ONECUT1: variants seen among roughly 807,000 people sequenced by gnomAD.
ONECUT1 encodes hepatocyte nuclear factor 6.
A neutral mutation model predicts 25.6 loss-of-function variants in ONECUT1; 12 were observed. The ratio of observed to expected loss-of-function variants is 0.47; its 90% CI spans 0.30 to 0.76. The LOEUF is 0.76. Among genes scored for constraint, ONECUT1 ranks in the 30% least tolerant of loss-of-function variants. The probability of loss-of-function intolerance (pLI) is 0.07; values close to 1 mark genes in which losing one functional copy is unlikely to be tolerated. For missense variants in ONECUT1, 620 were observed against 651.2 expected (o/e 0.95, Z 0.52); for synonymous variants, 285 against 270.2 (o/e 1.05, Z -0.54).
rs758437213 is a variant in ONECUT1 at position 52,789,595 on chromosome 15, A to T, written c.290T>A (p.Met97Lys). The change falls in exon 1 of 2, where the codon ATG (methionine) becomes AAG (lysine). Residue 97 changes from methionine to lysine, a missense_variant. Coordinates refer to ENST00000305901, the MANE Select transcript of ONECUT1 (RefSeq NM_004498.4). This position sits in a 1 kb window ranked among gnomAD's most constrained non-coding sequence, Gnocchi z 4.1. The stretch of plus-strand genomic sequence containing the variant: ...GGTGGTGTAGGTGGTGGGCATGCTC[A>T]TACCTGGGGGAGTCTCGCAGGCCAT... ...MTMACETPPGMSMPTTYTTLT... is the reference protein window; with the variant it reads ...MTMACETPPGKSMPTTYTTLT... 6.4e-7 allele frequency: 1 copy of T among 1,572,818 alleles called. No individual in the cohort carries two copies. Among genetic ancestry groups the T allele is most frequent in the East Asian group, 2.3e-5 (1 of 44,230 alleles).
chr15:52,762,244 CCT>C (rs1339840646), intron 1 of ONECUT1, among the ~76,000 whole-genome samples: 1 of 152,132 alleles, frequency 6.6e-6, no homozygotes, highest in Non-Finnish European at 1.5e-5. Flanking sequence ...TGAAGCTACC[CCT>C]GAGCCAGCAT....
At position 52,784,053 on chromosome 15, in the gene ONECUT1, G is replaced by A. The variant is rs566384272; in HGVS notation, c.1105+4727C>T. 3.9e-5 allele frequency among the ~76,000 whole-genome samples: 6 copies of A among 152,326 alleles called. No homozygotes were observed. The highest frequency in any genetic ancestry group is 2.1e-4 in the South Asian group (1 of 4,828). On this transcript the variant is annotated intron_variant, in intron 1 of 1. Coordinates refer to ENST00000305901, the MANE Select transcript of ONECUT1 (RefSeq NM_004498.4). The surrounding 1 kb of genome is among the most constrained non-coding windows in gnomAD (Gnocchi z 5.0). ...TCTTCGCTGCCGCGGGCTGAACCAC[G>A]GACGCTCGCGGGTCGCCCAGCCCCG...
chr15:52,756,647 G>A lies in ONECUT1; in HGVS notation c.*908C>T, dbSNP rs2083675291. On this transcript the variant is annotated 3_prime_UTR_variant, in exon 2 of 2. Coordinates refer to ENST00000305901, the MANE Select transcript of ONECUT1 (RefSeq NM_004498.4). ...CGACCTCTCTGCCATGATATTAATT[G>A]CTTCCCTGAAGCTACATTCTTTCTT... Among the ~76,000 whole-genome samples, 1 of 152,134 alleles carries A rather than the reference G, an allele frequency of 6.6e-6. No individual in the cohort carries two copies. Among genetic ancestry groups the A allele is most frequent in the Admixed American group, 6.5e-5 (1 of 15,272 alleles).
intron 1 of ONECUT1, among the ~76,000 whole-genome samples, chr15:52,769,882 T>C (rs760146252): frequency 6.6e-6 from 1 of 152,148 alleles, no homozygotes; most frequent in African/African-American, 2.4e-5. Flanking sequence ...TTATGGATAA[T>C]GTCAGCAAAT....
chr15:52,772,765 T>C (rs1016576383), intron 1 of ONECUT1, among the ~76,000 whole-genome samples: 4 of 152,208 alleles, frequency 2.6e-5, no homozygotes, highest in African/African-American at 9.6e-5. Flanking sequence ...GTTTTTGTTT[T>C]AATTTCTGCA....
rs758392463 is a variant in ONECUT1, at chr15:52,790,131, CT to C, written c.-248del. ...CCCACCTTCCCCTCTGCGTCCTCGGCTTTTTTTTTTTTAATATTAATTTCCA... is the reference window on the plus strand; with the variant it reads ...CCCACCTTCCCCTCTGCGTCCTCGGCTTTTTTTTTTTAATATTAATTTCCA... On this transcript the variant is annotated 5_prime_UTR_variant, in exon 1 of 2. Coordinates refer to ENST00000305901, the MANE Select transcript of ONECUT1 (RefSeq NM_004498.4). 34,285 of 350,104 alleles carry C rather than the reference CT, an allele frequency of 0.098. 6 individuals carry two copies. Among genetic ancestry groups the C allele is most frequent in the Middle Eastern group, 0.14 (167 of 1,156 alleles). The allele number at this position is 350,104 out of a possible 1,614,324, so 21.7% of individuals were successfully genotyped here. A position where few individuals can be genotyped will look rare whatever the true frequency, so the allele number is the denominator to read the frequency against.
rs1309988888 is a variant in ONECUT1, at chr15:52,757,021, T to C, written c.*534A>G. 6.6e-6 allele frequency: 1 copy of C among 152,596 alleles called. No homozygotes were observed. Among genetic ancestry groups the C allele is most frequent in the Non-Finnish European group, 1.5e-5 (1 of 68,378 alleles). The allele number at this position is 152,596 out of a possible 1,614,324, so 9.5% of individuals were successfully genotyped here. On this transcript the variant is annotated 3_prime_UTR_variant, in exon 2 of 2. Transcript: ENST00000305901. ...GCATTTAGGTTGCGGGCCTGGCAGG[T>C]TCAAACGTTAGGCTAGACGAGCAAA...
chr15:52,784,321 G>A lies in ONECUT1; in HGVS notation c.1105+4459C>T, dbSNP rs1243962892. ...GGTCTCTAGCAACCGCTGTGCCCTG[G>A]GTCAGGCTGGTCGCCCCAGCTACCG... On this transcript the variant is annotated intron_variant, in intron 1 of 1. Transcript: ENST00000305901. The surrounding 1 kb of genome is among the most constrained non-coding windows in gnomAD (Gnocchi z 5.0). Among the ~76,000 whole-genome samples the A allele has an allele frequency of 1.3e-5, 2 of 152,200 alleles. No individual in the cohort carries two copies. The highest frequency in any genetic ancestry group is 2.9e-5 in the Non-Finnish European group (2 of 68,034).
chr15:52,789,435 C>G lies in ONECUT1; in HGVS notation c.450G>C (p.Thr150=). Reference sequence around the variant, plus strand: ...CCAGCCCGCGCTCATCCCGCATGAGCGTGAAGCTACCGCTCACGTTGCCCG... The same window carrying G: ...CCAGCCCGCGCTCATCCCGCATGAGGGTGAAGCTACCGCTCACGTTGCCCG... ...RLAGNVSGSF[T]LMRDERGLAS... The change falls in exon 1 of 2, where the codon ACG becomes ACC. Residue 150 remains threonine (T), a synonymous_variant. Transcript: ENST00000305901. This position sits in a 1 kb window ranked among gnomAD's most constrained non-coding sequence, Gnocchi z 4.1. 2 of 1,613,834 alleles carry G rather than the reference C, an allele frequency of 1.2e-6. No individual in the cohort carries two copies. The highest frequency in any genetic ancestry group is 1.7e-6 in the Non-Finnish European group (2 of 1,179,984).
chr15:52,771,122 C>T (rs899643234), intron 1 of ONECUT1, among the ~76,000 whole-genome samples: 2 of 152,064 alleles, frequency 1.3e-5, no homozygotes, highest in Admixed American at 6.5e-5. Flanking sequence ...TATAAGTACA[C>T]ATATTCATCA....
chr15:52,789,846 C>T lies in ONECUT1; in HGVS notation c.39G>A (p.Leu13=), dbSNP rs767630142. The T allele has an allele frequency of 7.1e-6, 11 of 1,541,590 alleles. No homozygotes were observed. Among genetic ancestry groups the T allele is most frequent in the African/African-American group, 7.1e-5 (5 of 70,312 alleles). Residue 13 remains leucine, a synonymous_variant, in exon 1 of 2, where the codon CTG becomes CTA. Coordinates refer to ENST00000305901, the MANE Select transcript of ONECUT1 (RefSeq NM_004498.4). The surrounding 1 kb of genome is among the most constrained non-coding windows in gnomAD (Gnocchi z 4.1). ...GCACCGGCTCATGGCTCACCCCGTG[C>T]AGCTCGCCGATCGCTTCCATGGTCA... The part of the protein sequence containing the change: ...AQLTMEAIGE[L]HGVSHEPVPA...
At position 52,757,177 on chromosome 15, in the gene ONECUT1, T is replaced by C. The variant is rs150995910; in HGVS notation, c.*378A>G. 0.011 allele frequency: 2,300 copies of C among 209,450 alleles called. 24 individuals are homozygous for C. The highest frequency in any genetic ancestry group is 0.016 in the Non-Finnish European group (1,639 of 103,640). 13.0% of individuals were successfully genotyped at this position (209,450 alleles called of 1,614,324 possible). A position where few individuals can be genotyped will look rare whatever the true frequency, so the allele number is the denominator to read the frequency against. On this transcript the variant is annotated 3_prime_UTR_variant, in exon 2 of 2. Coordinates refer to ENST00000305901, the MANE Select transcript of ONECUT1 (RefSeq NM_004498.4). ...TGGTGGTGGTAGTACTGAGACACCATACACCTTCGTGGCATGGTAGAACAG... is the reference window on the plus strand; with the variant it reads ...TGGTGGTGGTAGTACTGAGACACCACACACCTTCGTGGCATGGTAGAACAG...
At chr15:52,779,549 T>G (rs2440322) in intron 1 of ONECUT1, among the ~76,000 whole-genome samples, 35,513 of 152,150 alleles carry the variant, frequency 0.23, 5,758 homozygotes, top group African/African-American at 0.47. Flanking sequence ...GACACTGGTC[T>G]CCTGGGGGAT....
At chr15:52,781,440 G>T (rs1386884969) in intron 1 of ONECUT1, among the ~76,000 whole-genome samples, 3 of 152,196 alleles carry the variant, frequency 2.0e-5, no homozygotes, top group African/African-American at 4.8e-5. Context: ...AATTTCAAGA[G>T]CTTATTATGT....
intron 1 of ONECUT1, among the ~76,000 whole-genome samples, chr15:52,758,944 C>T (rs1322313646): frequency 1.3e-5 from 2 of 152,088 alleles, no homozygotes; most frequent in East Asian, 1.9e-4. Context: ...CACAAATAAC[C>T]ATACAACCCA....
At chr15:52,769,634 A>G (rs916396162) in intron 1 of ONECUT1, among the ~76,000 whole-genome samples, 2 of 152,240 alleles carry the variant, frequency 1.3e-5, no homozygotes, top group African/African-American at 4.8e-5. Flanking sequence ...GCTCAGGGAC[A>G]GGTAAGGAGC....
At chr15:52,777,178 A>G (rs1040898267) in intron 1 of ONECUT1, among the ~76,000 whole-genome samples, 2 of 152,262 alleles carry the variant, frequency 1.3e-5, no homozygotes, top group African/African-American at 2.4e-5. Flanking sequence ...ATAAACACAC[A>G]CAAACACACA....
intron 1 of ONECUT1, among the ~76,000 whole-genome samples, chr15:52,761,408 C>G (rs1050858817): frequency 1.3e-5 from 2 of 152,194 alleles, no homozygotes; most frequent in Non-Finnish European, 2.9e-5. Context: ...CAGTTTCTCA[C>G]GCCTGTAATC....
rs1413577818 is a variant in ONECUT1 at position 52,788,837 on chromosome 15, T to G, written c.1048A>C (p.Met350Leu). ...LKSGRETFRR[M>L]WKWLQEPEFQ... ...TCCGGCTCCTGCAGCCACTTCCACA[T>G]CCTCCGGAAGGTCTCCCGGCCGGAT... Residue 350 changes from methionine to leucine, a missense_variant, in exon 1 of 2, where the codon ATG (methionine) becomes CTG (leucine). By Grantham distance (15) the Met-to-Leu change is conservative. Coordinates refer to ENST00000305901, the MANE Select transcript of ONECUT1 (RefSeq NM_004498.4). The surrounding 1 kb of genome is among the most constrained non-coding windows in gnomAD (Gnocchi z 4.3). 6.2e-7 allele frequency: 1 copy of G among 1,613,942 alleles called. No individual in the cohort carries two copies. The highest frequency in any genetic ancestry group is 8.5e-7 in the Non-Finnish European group (1 of 1,179,894).
Sources: gnomAD v4.1 joint callset for allele counts (sites outside exome capture counted in the v4.1 genomes callset) on GRCh38, gnomAD v4.1.1 for gene constraint, Gnocchi (gnomAD v3.1) non-coding constraint, MANE v1.5 for transcripts, NCBI Gene and HGNC (gene_info 2026-07-23, HGNC 2026-07-21) for gene names.